Variants in MGST3 observed in about 807,000 individuals in gnomAD.
MGST3 encodes microsomal glutathione S-transferase 3, also known as glutathione S-transferase 3, mitochondrial.
In MGST3, 13 loss-of-function variants were observed where a neutral mutation model predicts 15.8. The ratio of observed to expected loss-of-function variants is 0.82; its 90% CI spans 0.54 to 1.31. MGST3 has a LOEUF of 1.31. MGST3 is among the 50% of genes most tolerant of loss of function. The probability of loss-of-function intolerance (pLI) is 0.00; values close to 1 mark genes in which losing one functional copy is unlikely to be tolerated. For missense variants in MGST3, 155 were observed against 192.4 expected (o/e 0.81, Z 1.15); for synonymous variants, 49 against 68.1 (o/e 0.72, Z 1.38).
intron 1 of MGST3, chr1:165,646,634 G>C (rs1368489531): frequency 6.6e-6 from 1 of 152,244 alleles, no homozygotes; most frequent in Non-Finnish European, 1.5e-5. Flanking sequence ...CACTGTGCCA[G>C]ATGATAGAGA....
At chr1:165,654,218 G>A (rs777052850) in intron 4 of MGST3, 61 bp from the exon 5 acceptor site, 317 of 1,491,522 alleles carry the variant, frequency 2.1e-4, no homozygotes, top group Non-Finnish European at 2.8e-4. Context: ...TCAACCCTAG[G>A]TGTTAAAAAA....
chr1:165,651,999 C>T lies in MGST3; in HGVS notation c.213C>T (p.Phe71=), dbSNP rs772020258. The T allele has an allele frequency of 3.1e-6, 5 of 1,611,908 alleles. No individual in the cohort carries two copies. The East Asian group carries it at 1.1e-4, about 36-fold the overall frequency. ...HQNTLEVYPP[F]LFFLAVGGVY... is the part of the protein sequence containing the mutation. ...CCAGGTTGGAAGTGTATCCTCCCTT[C>T]TTATTTTTTCTAGCTGTTGGAGGTG... Residue 71 remains phenylalanine, a synonymous_variant, in exon 4 of 6, where the codon TTC becomes TTT. Coordinates refer to ENST00000367889, the MANE Select transcript of MGST3 (RefSeq NM_004528.4).
intron 4 of MGST3, among the ~76,000 whole-genome samples, chr1:165,652,615 T>C (rs1325524223): frequency 2.0e-5 from 3 of 152,100 alleles, no homozygotes; most frequent in East Asian, 1.9e-4. Context: ...TTTGCTGAGA[T>C]GATAGTTAAG....
chr1:165,632,208 T>A (rs761435071), intron 1 of MGST3: 1 of 1,609,472 alleles, frequency 6.2e-7, no homozygotes, highest in South Asian at 1.1e-5. Context: ...AGGCAGGGGT[T>A]AGAACTTTAA....
chr1:165,632,162 T>A (rs1471115048), intron 1 of MGST3: 1 of 1,358,500 alleles, frequency 7.4e-7, no homozygotes, highest in Non-Finnish European at 1.0e-6. Flanking sequence ...GAAGACGAGG[T>A]AAAGGAAAAG....
At chr1:165,636,505 G>A (rs1284190369) in intron 1 of MGST3, among the ~76,000 whole-genome samples, 1 of 152,132 alleles carries the variant, frequency 6.6e-6, no homozygotes, top group African/African-American at 2.4e-5. Flanking sequence ...GGAAGCCAAG[G>A]TGGGTGGATC....
chr1:165,649,011 G>C (rs891084093), intron 1 of MGST3: 5 of 152,304 alleles, frequency 3.3e-5, no homozygotes, highest in Non-Finnish European at 7.3e-5. Context: ...GCAATTACCA[G>C]GGATGGAAAT....
At chr1:165,653,030 G>T (rs1208602001) in intron 4 of MGST3, among the ~76,000 whole-genome samples, 2 of 152,152 alleles carry the variant, frequency 1.3e-5, no homozygotes, top group Non-Finnish European at 2.9e-5. Flanking sequence ...TAACCATCTG[G>T]TTCATCCTGA....
At chr1:165,651,772 G>GT in intron 3 of MGST3, 1 of 502,904 alleles carries the variant, frequency 2.0e-6, no homozygotes, top group Non-Finnish European at 3.6e-6. Flanking sequence ...GCACGCACCT[G>GT]TAATCCCAGC....
intron 1 of MGST3, among the ~76,000 whole-genome samples, chr1:165,632,542 T>C (rs969770915): frequency 6.6e-6 from 1 of 152,168 alleles, no homozygotes; most frequent in Non-Finnish European, 1.5e-5. Context: ...TAGAAACAAA[T>C]ACTTTCATCC....
chr1:165,654,648 A>G (rs1019196101), intron 5 of MGST3, among the ~76,000 whole-genome samples: 4 of 152,096 alleles, frequency 2.6e-5, no homozygotes, highest in East Asian at 3.9e-4. Context: ...CCATGATTAC[A>G]CTACTACACT....
At chr1:165,647,942 G>A (rs1463421282) in intron 1 of MGST3, 1 of 152,232 alleles carries the variant, frequency 6.6e-6, no homozygotes, top group Non-Finnish European at 1.5e-5. Flanking sequence ...CTGTAGGTGT[G>A]AGCCACCATG....
chr1:165,634,678 G>A lies in MGST3; in HGVS notation c.-8+3385G>A, dbSNP rs9333390. ...ATGTCACCCTTATGTTTTATGGTAT[G>A]GTCCTGCTGTGTTTTTGTCTTCCCT... is the stretch of plus-strand genomic sequence containing the variant. On this transcript the variant is annotated intron_variant, in intron 1 of 5. Coordinates refer to ENST00000367889, the MANE Select transcript of MGST3 (RefSeq NM_004528.4). Among the ~76,000 whole-genome samples the A allele has an allele frequency of 6.0e-5, 9 of 151,170 alleles. No homozygotes were observed. In the East Asian group the frequency reaches 1.8e-3, roughly 30 times the overall value.
At chr1:165,633,806 A>G (rs1188505392) in intron 1 of MGST3, among the ~76,000 whole-genome samples, 5 of 152,130 alleles carry the variant, frequency 3.3e-5, no homozygotes, top group African/African-American at 4.8e-5. Context: ...TAGTTTCTCA[A>G]TGACTCTTGG....
rs780696622 is a variant in MGST3, at chr1:165,649,920, C to G, written c.73C>G (p.Leu25Val). The change falls in exon 2 of 6, where the codon CTA (leucine) becomes GTA (valine). Residue 25 changes from leucine to valine, a missense_variant. Coordinates refer to ENST00000367889, the MANE Select transcript of MGST3 (RefSeq NM_004528.4). The part of the protein sequence containing the change: ...GAASFIMVAH[L>V]AINVSKARKK... Reference sequence around the variant, plus strand: ...TGCCAGCTTTATAATGGTGGCCCACCTAGCCATCAATGTTTCCAAGGCCCG... The same window carrying G: ...TGCCAGCTTTATAATGGTGGCCCACGTAGCCATCAATGTTTCCAAGGCCCG... 9.9e-6 allele frequency: 16 copies of G among 1,614,150 alleles called. No individual in the cohort carries two copies. Among genetic ancestry groups the G allele is most frequent in the Non-Finnish European group, 1.4e-5 (16 of 1,180,028 alleles).
chr1:165,650,210 G>T (rs1032488438), intron 2 of MGST3: 1 of 535,752 alleles, frequency 1.9e-6, no homozygotes, highest in Non-Finnish European at 3.4e-6. Flanking sequence ...GGAATGCTGG[G>T]ATTCCAATAG....
At chr1:165,632,143 G>A in intron 1 of MGST3, 1 of 1,116,068 alleles carries the variant, frequency 9.0e-7, no homozygotes. Context: ...TCGGGGGCAA[G>A]TAAGTGTGGA....
chr1:165,652,084 CTATTAT>C (rs2101724545), intron 4 of MGST3, 49 bp downstream of exon 4: 5 of 1,292,252 alleles, frequency 3.9e-6, no homozygotes, highest in Non-Finnish European at 5.6e-6. Flanking sequence ...GTTCACTGAG[CTATTAT>C]CAGGGACAGA....
At chr1:165,643,780 A>G (rs1648321246) in intron 1 of MGST3, among the ~76,000 whole-genome samples, 1 of 152,114 alleles carries the variant, frequency 6.6e-6, no homozygotes, top group South Asian at 2.1e-4. Context: ...AGGCATGAGA[A>G]TTGATTGAAT....
Sources: gnomAD v4.1 joint callset for allele counts (sites outside exome capture counted in the v4.1 genomes callset) on GRCh38, gnomAD v4.1.1 for gene constraint, MANE v1.5 for transcripts, NCBI Gene and HGNC (gene_info 2026-07-23, HGNC 2026-07-21) for gene names.